NXPH1: variants seen among roughly 807,000 people sequenced by gnomAD.
The protein encoded by NXPH1 is neurexophilin 1, also known as neurexophilin-1.
In NXPH1, 5 loss-of-function variants were observed where a neutral mutation model predicts 23.7. That is an observed-to-expected ratio of 0.21 (90% CI 0.11 to 0.44). The LOEUF (loss-of-function observed/expected upper bound fraction) is 0.44. Among genes scored for constraint, NXPH1 ranks in the 20% least tolerant of loss-of-function variants. The pLI is 0.99. For synonymous variants in NXPH1, 144 were observed against 122.2 expected, an observed-to-expected ratio of 1.18 and a Z score of -1.18; for missense variants, 324 against 321.6, an observed-to-expected ratio of 1.01 and a Z score of -0.06.
At chr7:8,707,398 T>A (rs953581134) in intron 2 of NXPH1, among the ~76,000 whole-genome samples, 1 of 152,202 alleles carries the variant, frequency 6.6e-6, no homozygotes, top group Non-Finnish European at 1.5e-5. Flanking sequence ...AGACATGTTA[T>A]AAGTGCATGT....
chr7:8,742,483 G>A (rs866378342), intron 2 of NXPH1, among the ~76,000 whole-genome samples: 2 of 151,858 alleles, frequency 1.3e-5, no homozygotes, highest in African/African-American at 4.8e-5. Context: ...AAATAAAGGT[G>A]ATGTGCATTG....
At chr7:8,552,931 G>A (rs1818301550) in intron 2 of NXPH1, among the ~76,000 whole-genome samples, 1 of 151,488 alleles carries the variant, frequency 6.6e-6, no homozygotes. Flanking sequence ...CGTATGAAGT[G>A]TATTGAAAAG....
chr7:8,474,632 G>A (rs968583411), intron 2 of NXPH1, among the ~76,000 whole-genome samples: 3 of 152,076 alleles, frequency 2.0e-5, no homozygotes, highest in Non-Finnish European at 4.4e-5. Context: ...TCATTATATT[G>A]TGAGGATCCC....
intron 2 of NXPH1, among the ~76,000 whole-genome samples, chr7:8,485,510 A>G (rs1175547601): frequency 6.6e-6 from 1 of 152,026 alleles, no homozygotes; most frequent in Non-Finnish European, 1.5e-5. Context: ...ATTTCTCATT[A>G]TCTTTCCTCA....
intron 2 of NXPH1, among the ~76,000 whole-genome samples, chr7:8,508,659 T>C (rs149819189): frequency 6.0e-4 from 91 of 152,144 alleles, no homozygotes; most frequent in African/African-American, 2.1e-3. Context: ...TTTTATGTCT[T>C]GAATGTAAAT....
At chr7:8,460,028 C>G (rs1563316573) in intron 2 of NXPH1, among the ~76,000 whole-genome samples, 3 of 152,074 alleles carry the variant, frequency 2.0e-5, no homozygotes, top group Admixed American at 1.3e-4. Flanking sequence ...TTCCTTGTTT[C>G]CATGTTAGGT....
chr7:8,530,686 T>C (rs912894458), intron 2 of NXPH1, among the ~76,000 whole-genome samples: 4 of 151,868 alleles, frequency 2.6e-5, no homozygotes, highest in African/African-American at 7.3e-5. Flanking sequence ...TTCTCAGGGG[T>C]GAGGTGAGAG....
intron 2 of NXPH1, among the ~76,000 whole-genome samples, chr7:8,457,573 AC>A (rs1436006916): frequency 6.6e-6 from 1 of 151,414 alleles, no homozygotes; most frequent in Non-Finnish European, 1.5e-5. Flanking sequence ...TTAAAAAAAA[AC>A]TTGAAAGGAG....
chr7:8,514,548 T>A (rs1584204071), intron 2 of NXPH1, among the ~76,000 whole-genome samples: 1 of 152,214 alleles, frequency 6.6e-6, no homozygotes, highest in East Asian at 1.9e-4. Context: ...TACCTCAGGA[T>A]GGTAGATAAA....
rs948622236 is a variant in NXPH1, at chr7:8,705,508, G to T, written c.55-45500G>T. Among the ~76,000 whole-genome samples the T allele has an allele frequency of 2.6e-5, 4 of 152,256 alleles. No individual in the cohort carries two copies. The East Asian group carries it at 7.7e-4, about 29-fold the overall frequency. ...CAAAAGCTTGAAATATGCAGGGGTG[G>T]TGGTTTCCATTATGTCCTCATTTTA... On this transcript the variant is annotated intron_variant, in intron 2 of 2. Transcript: ENST00000405863.
At chr7:8,688,263 T>C (rs1390739302) in intron 2 of NXPH1, among the ~76,000 whole-genome samples, 10 of 152,172 alleles carry the variant, frequency 6.6e-5, no homozygotes, top group African/African-American at 1.2e-4. Context: ...AACAGAAATA[T>C]AAACTTTTTA....
intron 2 of NXPH1, among the ~76,000 whole-genome samples, chr7:8,613,475 G>A (rs1332794812): frequency 1.3e-5 from 2 of 151,972 alleles, no homozygotes; most frequent in African/African-American, 4.8e-5. Flanking sequence ...TCCTTAACAA[G>A]CTGAGTGGGA....
At chr7:8,561,336 G>C (rs1223592631) in intron 2 of NXPH1, among the ~76,000 whole-genome samples, 1 of 108,420 alleles carries the variant, frequency 9.2e-6, no homozygotes. Context: ...TTTTGGAGAT[G>C]AGGGAAGCCT....
At chr7:8,478,534 A>G (rs74555110) in intron 2 of NXPH1, among the ~76,000 whole-genome samples, 2,465 of 152,226 alleles carry the variant, frequency 0.016, 53 homozygotes, top group African/African-American at 0.053. Context: ...AAGATCCAAC[A>G]TAAGTATAAT....
At chr7:8,482,313 C>T (rs10244428) in intron 2 of NXPH1, among the ~76,000 whole-genome samples, 89,838 of 151,990 alleles carry the variant, frequency 0.59, 29,193 homozygotes, top group African/African-American at 0.87. Context: ...ATGAGGGTGG[C>T]TTCATTTCCC....
intron 2 of NXPH1, among the ~76,000 whole-genome samples, chr7:8,536,286 C>T (rs892623386): frequency 5.9e-5 from 9 of 152,022 alleles, no homozygotes; most frequent in African/African-American, 1.2e-4. Context: ...AAGCTCAATG[C>T]TGATCACATA....
chr7:8,710,009 C>A (rs955588760), intron 2 of NXPH1, among the ~76,000 whole-genome samples: 33 of 152,138 alleles, frequency 2.2e-4, no homozygotes, highest in African/African-American at 6.8e-4. Flanking sequence ...AAATCTTATG[C>A]TTCAGGGCAT....
At chr7:8,688,082 G>A (rs1367694243) in intron 2 of NXPH1, among the ~76,000 whole-genome samples, 1 of 152,028 alleles carries the variant, frequency 6.6e-6, no homozygotes, top group Non-Finnish European at 1.5e-5. Context: ...ATTATGAAAT[G>A]TACATTATGA....
intron 2 of NXPH1, among the ~76,000 whole-genome samples, chr7:8,467,494 C>G (rs775330002): frequency 1.3e-5 from 2 of 152,186 alleles, no homozygotes; most frequent in Non-Finnish European, 2.9e-5. Context: ...AATCTTCTTT[C>G]AGACTATCTT....
Sources: gnomAD v4.1 joint callset for allele counts (sites outside exome capture counted in the v4.1 genomes callset) on GRCh38, gnomAD v4.1.1 for gene constraint, MANE v1.5 for transcripts, NCBI Gene and HGNC (gene_info 2026-07-23, HGNC 2026-07-21) for gene names.